Variants in UBE2D3 observed in about 807,000 individuals in gnomAD.
UBE2D3 encodes ubiquitin conjugating enzyme E2 D3.
In UBE2D3, 2 loss-of-function variants were observed where a neutral mutation model predicts 22.8. That is an observed-to-expected ratio of 0.09 (90% CI 0.04 to 0.28). The LOEUF (loss-of-function observed/expected upper bound fraction) is 0.28, where lower values mean the gene tolerates loss of function less well. UBE2D3 is among the 10% of genes least tolerant of loss of function. The probability of loss-of-function intolerance (pLI) is 1.00; values close to 1 mark genes in which losing one functional copy is unlikely to be tolerated. For missense variants in UBE2D3, 27 were observed against 182.5 expected (o/e 0.15, Z 4.91); for synonymous variants, 56 against 60.4 (o/e 0.93, Z 0.34).
At chr4:102,863,165 C>G (rs1237982082) in intron 1 of UBE2D3, among the ~76,000 whole-genome samples, 7 of 152,108 alleles carry the variant, frequency 4.6e-5, no homozygotes, top group Admixed American at 4.6e-4. Flanking sequence ...ATTCTCCTGC[C>G]TCAGCCTCCC....
At chr4:102,825,939 C>G in intron 2 of UBE2D3, 2 of 356,990 alleles carry the variant, frequency 5.6e-6, no homozygotes, top group Non-Finnish European at 5.6e-6. Flanking sequence ...TGCCCAGAGT[C>G]GACTAAGAGT....
At chr4:102,812,477 G>A (rs1445901300) in intron 2 of UBE2D3, 3 of 152,112 alleles carry the variant, frequency 2.0e-5, no homozygotes, top group African/African-American at 7.2e-5. Context: ...AACAAACTGA[G>A]GGGCCAGAAC....
intron 4 of UBE2D3, among the ~76,000 whole-genome samples, chr4:102,803,582 T>C (rs1049247268): frequency 6.6e-6 from 1 of 152,216 alleles, no homozygotes; most frequent in Non-Finnish European, 1.5e-5. Flanking sequence ...ATATACTGTA[T>C]GTGTGTTAAG....
intron 1 of UBE2D3, among the ~76,000 whole-genome samples, chr4:102,851,436 C>G (rs1305612164): frequency 6.6e-6 from 1 of 152,190 alleles, no homozygotes; most frequent in Non-Finnish European, 1.5e-5. Flanking sequence ...ACAGAACTTT[C>G]TGGCCAAATC....
At chr4:102,823,408 G>GT (rs946476032) in intron 2 of UBE2D3, among the ~76,000 whole-genome samples, 1 of 152,094 alleles carries the variant, frequency 6.6e-6, no homozygotes, top group Admixed American at 6.6e-5. Context: ...TCAAATGAGA[G>GT]TTTTTTAACC....
chr4:102,834,366 T>TA (rs1295054011), intron 1 of UBE2D3, among the ~76,000 whole-genome samples: 6 of 152,086 alleles, frequency 3.9e-5, no homozygotes, highest in Non-Finnish European at 8.8e-5. Context: ...GGTAAAGGAT[T>TA]AAAAAACTCT....
chr4:102,868,006 C>A (rs950344782), intron 1 of UBE2D3, among the ~76,000 whole-genome samples: 1 of 151,894 alleles, frequency 6.6e-6, no homozygotes, highest in Non-Finnish European at 1.5e-5. Context: ...GCCATAAGGA[C>A]CCCCTGCGCT....
chr4:102,834,769 C>CTT (rs1229110359), intron 1 of UBE2D3, among the ~76,000 whole-genome samples: 1 of 143,354 alleles, frequency 7.0e-6, no homozygotes, highest in African/African-American at 2.5e-5. Context: ...AAAGATTCAA[C>CTT]TTTTTTTTTT....
intron 1 of UBE2D3, 54 bp downstream of exon 1, chr4:102,827,373 C>G (rs1270650637): frequency 5.4e-5 from 53 of 985,720 alleles, no homozygotes; most frequent in Non-Finnish European, 6.1e-5. Context: ...CTTACCCGGC[C>G]GGCCACTGGG....
At chr4:102,830,301 GTCC>G (rs1731051249), upstream of UBE2D3, among the ~76,000 whole-genome samples, 2 of 152,200 alleles carry the variant, frequency 1.3e-5, no homozygotes, top group African/African-American at 4.8e-5. Context: ...TGGTAGAGAT[GTCC>G]TCATTTGAAA....
chr4:102,824,347 G>A (rs1476242345), intron 2 of UBE2D3, among the ~76,000 whole-genome samples: 2 of 152,170 alleles, frequency 1.3e-5, no homozygotes, highest in East Asian at 3.8e-4. Flanking sequence ...GTAATAACTA[G>A]GAGTGTCATG....
At chr4:102,803,479 A>AT (rs1726525201) in intron 4 of UBE2D3, among the ~76,000 whole-genome samples, 1 of 152,226 alleles carries the variant, frequency 6.6e-6, no homozygotes. Flanking sequence ...TGTCAGGCAC[A>AT]TAAAAAACAG....
chr4:102,826,367 G>A lies in UBE2D3; in HGVS notation c.24+118C>T, dbSNP rs535695232. The A allele has an allele frequency of 5.4e-6, 7 of 1,296,048 alleles. No individual in the cohort carries two copies. The Admixed American group carries it at 9.6e-5, about 18-fold the overall frequency. The allele number at this position is 1,296,048 out of a possible 1,614,324, so 80.3% of individuals were successfully genotyped here. On this transcript the variant is annotated intron_variant, in intron 2 of 7. Transcript: ENST00000453744. ...TATCTGCGTTCTCCATCCCCCCATG[G>A]AAGAAGTGATCCAAGAGGTATTTTC...
At chr4:102,858,736 T>C (rs1732741981) in intron 1 of UBE2D3, among the ~76,000 whole-genome samples, 1 of 151,920 alleles carries the variant, frequency 6.6e-6, no homozygotes, top group South Asian at 2.1e-4. Flanking sequence ...ATAATACAAT[T>C]AGTTTGGGGA....
chr4:102,825,626 G>GTT, intron 2 of UBE2D3: 3 of 1,184,840 alleles, frequency 2.5e-6, no homozygotes, highest in East Asian at 6.0e-5. Context: ...AAAAATCCTA[G>GTT]TTTTTTTTCA....
Position 102,825,324 on chromosome 4 carries a change from T to C in UBE2D3, c.24+1161A>G, listed in dbSNP as rs184675767. 428 of 991,282 alleles carry C rather than the reference T, an allele frequency of 4.3e-4. 2 individuals are homozygous for C. The highest frequency in any genetic ancestry group is 6.1e-4 in the Admixed American group (10 of 16,470). 61.4% of individuals were successfully genotyped at this position (991,282 alleles called of 1,614,324 possible). The stretch of plus-strand genomic sequence containing the variant: ...GCTGTAAACACTCCACCCTCTTCGA[T>C]TGTGCAACAACCAAACACATCACAC... On this transcript the variant is annotated intron_variant, in intron 2 of 7. Transcript: ENST00000453744.
intron 1 of UBE2D3, among the ~76,000 whole-genome samples, chr4:102,845,775 T>G (rs984530720): frequency 2.0e-5 from 3 of 152,114 alleles, no homozygotes; most frequent in African/African-American, 7.2e-5. Flanking sequence ...CTACTTTGTC[T>G]CTGATATTTA....
intron 1 of UBE2D3, among the ~76,000 whole-genome samples, chr4:102,843,056 G>T (rs571197968): frequency 3.9e-5 from 6 of 152,152 alleles, no homozygotes; most frequent in Non-Finnish European, 7.3e-5. Context: ...GTTGCAATGA[G>T]CCGAGATCTT....
At position 102,816,973 on chromosome 4, in the gene UBE2D3, A is replaced by G. The variant is rs139397873; in HGVS notation, c.25-7118T>C. Among the ~76,000 whole-genome samples the G allele has an allele frequency of 2.7e-3, 412 of 152,324 alleles. 3 individuals carry two copies. Among genetic ancestry groups the G allele is most frequent in the African/African-American group, 9.6e-3 (401 of 41,582 alleles). On this transcript the variant is annotated intron_variant, in intron 2 of 7. Coordinates refer to ENST00000453744, the MANE Select transcript of UBE2D3 (RefSeq NM_181891.3). ...ACATGCTTAAAATAAAGGGACTCAA[A>G]TGCTCTGAGAATCCTGAAAAACCAA...
Sources: allele counts gnomAD v4.1 joint callset (sites outside exome capture counted in the v4.1 genomes callset), GRCh38; gene constraint gnomAD v4.1.1; transcripts MANE v1.5; gene names NCBI Gene and HGNC (gene_info 2026-07-23, HGNC 2026-07-21).